The following CTNNA3 variants were observed in gnomAD, a reference collection of about 807,000 sequenced individuals.
CTNNA3 encodes catenin alpha-3.
A neutral mutation model predicts 95.7 loss-of-function variants in CTNNA3; 76 were observed. The ratio of observed to expected loss-of-function variants is 0.79; its 90% CI spans 0.66 to 0.96. CTNNA3 has a LOEUF of 0.96. Among genes scored for constraint, CTNNA3 ranks in the 40% least tolerant of loss-of-function variants. The pLI is 0.00. For synonymous variants in CTNNA3, 431 were observed against 374.4 expected, an observed-to-expected ratio of 1.15 and a Z score of -1.74; for missense variants, 1,191 against 1,089.8, an observed-to-expected ratio of 1.09 and a Z score of -1.31.
chr10:67,706,070 G>T (rs1406268977), intron 1 of CTNNA3, among the ~76,000 whole-genome samples: 1 of 152,076 alleles, frequency 6.6e-6, no homozygotes, highest in Non-Finnish European at 1.5e-5. Flanking sequence ...GCAGATGGGG[G>T]TCTGCATAAC....
At chr10:66,427,172 C>T (rs1484277864) in intron 11 of CTNNA3, among the ~76,000 whole-genome samples, 1 of 151,858 alleles carries the variant, frequency 6.6e-6, no homozygotes, top group African/African-American at 2.4e-5. Flanking sequence ...CTCCAATATC[C>T]CTCCATAACT....
chr10:67,459,589 G>T (rs78041827), intron 5 of CTNNA3, among the ~76,000 whole-genome samples: 1 of 152,076 alleles, frequency 6.6e-6, no homozygotes, highest in Non-Finnish European at 1.5e-5. Context: ...ATAAGATTTA[G>T]AATTCATGAC....
chr10:66,493,771 A>G (rs1443761244), intron 11 of CTNNA3, among the ~76,000 whole-genome samples: 2 of 149,924 alleles, frequency 1.3e-5, no homozygotes, highest in Non-Finnish European at 3.0e-5. Flanking sequence ...ATGCCCGGCT[A>G]ATTTTTTGTC....
chr10:67,421,841 T>C (rs1845758500), intron 5 of CTNNA3, among the ~76,000 whole-genome samples: 1 of 152,116 alleles, frequency 6.6e-6, no homozygotes, highest in Non-Finnish European at 1.5e-5. Context: ...AACAAACAAA[T>C]GGACTAGTAT....
intron 12 of CTNNA3, among the ~76,000 whole-genome samples, chr10:66,360,673 TCC>T (rs760798255): frequency 1.0e-5 from 1 of 97,424 alleles, no homozygotes; most frequent in Admixed American, 1.1e-4. Context: ...CTTCCTTCCT[TCC>T]TTCCTTCCTT....
At chr10:66,372,157 T>A (rs75016775) in intron 12 of CTNNA3, among the ~76,000 whole-genome samples, 2,400 of 152,296 alleles carry the variant, frequency 0.016, 53 homozygotes, top group African/African-American at 0.055. Flanking sequence ...TTCTGCCTAA[T>A]TTAGCCATTC....
chr10:66,219,907 T>C (rs1397806384), intron 13 of CTNNA3, among the ~76,000 whole-genome samples: 1 of 152,110 alleles, frequency 6.6e-6, no homozygotes, highest in African/African-American at 2.4e-5. Context: ...GCGGCTCCTT[T>C]GAGGTCAGGA....
chr10:67,672,672 A>T (rs1212909656), intron 1 of CTNNA3, among the ~76,000 whole-genome samples: 6 of 152,104 alleles, frequency 3.9e-5, no homozygotes, highest in African/African-American at 1.2e-4. Flanking sequence ...ATGGTTGTAG[A>T]TATGAGGCAT....
intron 5 of CTNNA3, among the ~76,000 whole-genome samples, chr10:67,254,251 A>G (rs559632025): frequency 3.9e-5 from 6 of 152,302 alleles, no homozygotes; most frequent in African/African-American, 1.4e-4. Context: ...TGACTTATAA[A>G]TTAATTAGAA....
intron 15 of CTNNA3, among the ~76,000 whole-genome samples, chr10:66,004,188 G>A (rs1354139136): frequency 4.6e-5 from 7 of 152,040 alleles, no homozygotes; most frequent in Admixed American, 2.6e-4. Flanking sequence ...GAAATTCGAC[G>A]GGTACCTCAG....
chr10:65,929,033 C>A (rs1462878013), intron 17 of CTNNA3, among the ~76,000 whole-genome samples: 2 of 135,672 alleles, frequency 1.5e-5, no homozygotes, highest in Non-Finnish European at 3.1e-5. Context: ...CCCCTCCCCT[C>A]ACCCACAACA....
At chr10:67,027,976 A>G (rs78975713) in intron 7 of CTNNA3, among the ~76,000 whole-genome samples, 4,176 of 152,230 alleles carry the variant, frequency 0.027, 204 homozygotes, top group African/African-American at 0.095. Context: ...CTTGACCCTC[A>G]TAACAACCCT....
intron 9 of CTNNA3, among the ~76,000 whole-genome samples, chr10:66,749,934 G>T (rs1839062961): frequency 6.6e-6 from 1 of 152,152 alleles, no homozygotes; most frequent in Non-Finnish European, 1.5e-5. Context: ...ATAGTATCTT[G>T]TTGTTTTAGT....
intron 7 of CTNNA3, among the ~76,000 whole-genome samples, chr10:66,813,553 G>A (rs948010251): frequency 2.6e-5 from 4 of 152,120 alleles, no homozygotes; most frequent in African/African-American, 9.7e-5. Context: ...AAATTCATAT[G>A]TAATTATTTA....
chr10:67,227,545 A>G (rs1864984228), intron 5 of CTNNA3, among the ~76,000 whole-genome samples: 1 of 152,222 alleles, frequency 6.6e-6, no homozygotes, highest in South Asian at 2.1e-4. Flanking sequence ...TCCCAAATTT[A>G]TAAAACAATT....
At chr10:66,526,278 C>T (rs894176923) in intron 10 of CTNNA3, among the ~76,000 whole-genome samples, 1 of 152,106 alleles carries the variant, frequency 6.6e-6, no homozygotes, top group Non-Finnish European at 1.5e-5. Flanking sequence ...TTCCACCTCT[C>T]AGGCTCAAGC....
intron 10 of CTNNA3, among the ~76,000 whole-genome samples, chr10:66,574,426 T>A (rs553135557): frequency 2.6e-5 from 4 of 151,892 alleles, no homozygotes; most frequent in East Asian, 1.9e-4. Flanking sequence ...AGAAATGGAA[T>A]CAAAAGTACC....
chr10:66,066,081 T>G (rs923869947), intron 15 of CTNNA3, among the ~76,000 whole-genome samples: 1 of 152,124 alleles, frequency 6.6e-6, no homozygotes, highest in African/African-American at 2.4e-5. Context: ...CAGGCTGGTC[T>G]CGAACTCCCA....
At chr10:66,330,378 G>C (rs1392230371) in intron 12 of CTNNA3, among the ~76,000 whole-genome samples, 1 of 152,002 alleles carries the variant, frequency 6.6e-6, no homozygotes, top group Non-Finnish European at 1.5e-5. Flanking sequence ...CTTCATCCAT[G>C]TCCCTGCAAA....
Sources: gnomAD v4.1 joint callset for allele counts (sites outside exome capture counted in the v4.1 genomes callset) on GRCh38, gnomAD v4.1.1 for gene constraint, MANE v1.5 for transcripts, NCBI Gene and HGNC (gene_info 2026-07-23, HGNC 2026-07-21) for gene names.